The following THADA variants were observed in gnomAD, a reference collection of about 807,000 sequenced individuals.
THADA encodes tRNA (32-2'-O)-methyltransferase regulator THADA.
THADA carries 213 observed loss-of-function variants against 219.8 expected under a neutral mutation model. The ratio of observed to expected loss-of-function variants is 0.97; its 90% CI spans 0.87 to 1.09. The LOEUF (loss-of-function observed/expected upper bound fraction) is 1.09. THADA is among the 50% of genes least tolerant of loss of function. The pLI is 0.00. For synonymous variants in THADA, 1,018 were observed against 828.9 expected, an observed-to-expected ratio of 1.23 and a Z score of -3.92; for missense variants, 2,956 against 2,311.3, an observed-to-expected ratio of 1.28 and a Z score of -5.72.
intron 36 of THADA, among the ~76,000 whole-genome samples, chr2:43,245,571 G>T (rs931046078): frequency 3.3e-5 from 5 of 152,118 alleles, no homozygotes; most frequent in African/African-American, 4.8e-5. Context: ...GGCCCTCATT[G>T]TCACCTGCCT....
At chr2:43,276,698 C>G (rs985577173) in intron 36 of THADA, among the ~76,000 whole-genome samples, 1 of 152,162 alleles carries the variant, frequency 6.6e-6, no homozygotes, top group African/African-American at 2.4e-5. Flanking sequence ...AGATAAAGGT[C>G]TCCCTTTGCC....
intron 36 of THADA, among the ~76,000 whole-genome samples, chr2:43,243,280 G>A (rs569401531): frequency 2.0e-5 from 3 of 152,244 alleles, no homozygotes; most frequent in Non-Finnish European, 4.4e-5. Context: ...TGCTCCTAGG[G>A]TACATCTGCC....
intron 25 of THADA, among the ~76,000 whole-genome samples, chr2:43,491,502 T>C (rs1214775827): frequency 2.0e-5 from 3 of 152,200 alleles, no homozygotes; most frequent in Non-Finnish European, 4.4e-5. Context: ...ATGGACCACA[T>C]ATGTAATGAT....
At chr2:43,503,938 T>C (rs1056848032) in intron 24 of THADA, among the ~76,000 whole-genome samples, 1 of 151,942 alleles carries the variant, frequency 6.6e-6, no homozygotes, top group African/African-American at 2.4e-5. Flanking sequence ...AAATCTGAAA[T>C]CAAAAAAGCT....
At chr2:43,385,389 G>A (rs1230635437) in intron 29 of THADA, among the ~76,000 whole-genome samples, 5 of 151,888 alleles carry the variant, frequency 3.3e-5, no homozygotes, top group African/African-American at 7.3e-5. Flanking sequence ...GGCGGATCAC[G>A]AGGTCAGGAG....
At chr2:43,471,039 C>T (rs1330474353) in intron 26 of THADA, among the ~76,000 whole-genome samples, 3 of 152,168 alleles carry the variant, frequency 2.0e-5, no homozygotes, top group Non-Finnish European at 4.4e-5. Context: ...TATAGGCCTA[C>T]TGAAAACATA....
At chr2:43,514,721 T>G (rs1264798082) in intron 22 of THADA, among the ~76,000 whole-genome samples, 2 of 80,116 alleles carry the variant, frequency 2.5e-5, no homozygotes, top group South Asian at 7.2e-4. Context: ...TAAATATATA[T>G]TATATATAAT....
intron 29 of THADA, among the ~76,000 whole-genome samples, chr2:43,378,847 C>A (rs546145929): frequency 2.0e-5 from 3 of 152,280 alleles, no homozygotes; most frequent in Admixed American, 2.0e-4. Flanking sequence ...CTCAGGTGAT[C>A]CACCTGCCCT....
chr2:43,573,078 C>A, intron 11 of THADA, 86 bp from the exon 12 acceptor site: 1 of 1,074,064 alleles, frequency 9.3e-7, no homozygotes, highest in Non-Finnish European at 1.3e-6. Flanking sequence ...TTCCAATTAA[C>A]ATTTTATTTC....
intron 36 of THADA, among the ~76,000 whole-genome samples, chr2:43,237,216 A>G (rs1359722919): frequency 1.3e-5 from 2 of 152,118 alleles, no homozygotes; most frequent in African/African-American, 2.4e-5. Context: ...TTATGGTCAA[A>G]TGATTTTTGA....
At chr2:43,403,655 T>C (rs552203121) in intron 28 of THADA, among the ~76,000 whole-genome samples, 1 of 152,202 alleles carries the variant, frequency 6.6e-6, no homozygotes, top group South Asian at 2.1e-4. Flanking sequence ...CCAGCCCTGA[T>C]TCTTATTTTT....
intron 31 of THADA, among the ~76,000 whole-genome samples, chr2:43,302,496 C>A (rs967422757): frequency 6.6e-6 from 1 of 151,012 alleles, no homozygotes; most frequent in Non-Finnish European, 1.5e-5. Flanking sequence ...AAATTTCTGG[C>A]CTTCAAGGGA....
intron 35 of THADA, among the ~76,000 whole-genome samples, 176 bp from the exon 36 acceptor site, chr2:43,280,072 C>A (rs1673166927): frequency 6.6e-6 from 1 of 152,090 alleles, no homozygotes; most frequent in South Asian, 2.1e-4. Context: ...AAGACAGACT[C>A]CTAAGGGAGC....
Position 43,459,800 on chromosome 2 carries a change from G to C in THADA, c.3836+25434C>G, listed in dbSNP as rs1412050071. Reference sequence around the variant, plus strand: ...AGCCAAAGCATGCTGTGTCAGTTAGGGCATTCACTACTGTAGACTTGTTTT... The same window carrying C: ...AGCCAAAGCATGCTGTGTCAGTTAGCGCATTCACTACTGTAGACTTGTTTT... On this transcript the variant is annotated intron_variant, in intron 26 of 37. Transcript: ENST00000405975. 2.6e-5 allele frequency among the ~76,000 whole-genome samples: 4 copies of C among 152,202 alleles called. No individual in the cohort carries two copies. The East Asian group carries it at 7.7e-4, about 29-fold the overall frequency.
intron 36 of THADA, among the ~76,000 whole-genome samples, chr2:43,273,174 G>A (rs924632360): frequency 1.1e-4 from 17 of 151,966 alleles, no homozygotes; most frequent in Admixed American, 7.2e-4. Context: ...GCTTGAACCC[G>A]GGAGGCGGAG....
At position 43,527,303 on chromosome 2, in the gene THADA, T is replaced by A. The variant is rs10166635; in HGVS notation, c.3374+576A>T. On this transcript the variant is annotated intron_variant, in intron 22 of 37. Transcript: ENST00000405975. ...AATTTAAGGTTTCCCCACAAGCTCT[T>A]TGGAGGAAATCTATTATATGAATGA... 8.6e-3 allele frequency among the ~76,000 whole-genome samples: 1,303 copies of A among 152,296 alleles called. 23 individuals carry two copies. The highest frequency in any genetic ancestry group is 0.03 in the African/African-American group (1,259 of 41,558).
rs114557571 is a variant in THADA, at chr2:43,343,834, C to T, written c.4343+288G>A. 793 of 289,228 alleles carry T rather than the reference C, an allele frequency of 2.7e-3. 5 individuals carry two copies. The highest frequency in any genetic ancestry group is 0.016 in the African/African-American group (745 of 46,362). 17.9% of individuals were successfully genotyped at this position (289,228 alleles called of 1,614,324 possible). On this transcript the variant is annotated intron_variant, in intron 30 of 37. Coordinates refer to ENST00000405975, the MANE Select transcript of THADA (RefSeq NM_022065.5). ...TTACTGCCTTTCATTGTTATAATAT[C>T]TAACACAGGACTGGGCACGCAGCAG...
intron 36 of THADA, among the ~76,000 whole-genome samples, chr2:43,252,969 C>T (rs533441868): frequency 3.9e-4 from 59 of 152,350 alleles, no homozygotes; most frequent in African/African-American, 1.4e-3. Flanking sequence ...TTCCCTGTCT[C>T]TACATCTTAC....
intron 28 of THADA, among the ~76,000 whole-genome samples, chr2:43,416,873 T>C (rs1677048335): frequency 6.6e-6 from 1 of 152,212 alleles, no homozygotes; most frequent in Non-Finnish European, 1.5e-5. Flanking sequence ...AGTTATTATA[T>C]GCAATCTTAA....
Sources: gnomAD v4.1 joint callset for allele counts (sites outside exome capture counted in the v4.1 genomes callset) on GRCh38, gnomAD v4.1.1 for gene constraint, MANE v1.5 for transcripts, NCBI Gene and HGNC (gene_info 2026-07-23, HGNC 2026-07-21) for gene names.